Variants in PIK3C2G observed in about 807,000 individuals in gnomAD.
PIK3C2G encodes the protein phosphatidylinositol-4-phosphate 3-kinase catalytic subunit type 2 gamma.
In PIK3C2G, 168 loss-of-function variants were observed where a neutral mutation model predicts 181.1. That is an observed-to-expected ratio of 0.93 (90% CI 0.82 to 1.05). The LOEUF (loss-of-function observed/expected upper bound fraction) is 1.05. Among genes scored for constraint, PIK3C2G ranks in the 50% least tolerant of loss-of-function variants. The pLI, the probability that PIK3C2G is intolerant of heterozygous loss-of-function variation, is 0.00. For synonymous variants in PIK3C2G, 573 were observed against 592.2 expected (o/e 0.97, Z 0.47); for missense variants, 1,869 against 1,732.8 (o/e 1.08, Z -1.40).
intron 24 of PIK3C2G, among the ~76,000 whole-genome samples, chr12:18,509,478 T>G (rs1942072835): frequency 6.6e-6 from 1 of 152,204 alleles, no homozygotes; most frequent in African/African-American, 2.4e-5. Flanking sequence ...CATGCTTACA[T>G]CACCATTCCG....
Position 18,637,930 on chromosome 12 carries a change from C to T in PIK3C2G, c.4183-2499C>T, listed in dbSNP as rs144897692. Reference sequence around the variant, plus strand: ...TTAGAACCCTTTCTGATTCCCCAAGCTTCAACATTAAATGAAGAATCTCTG... The same window carrying T: ...TTAGAACCCTTTCTGATTCCCCAAGTTTCAACATTAAATGAAGAATCTCTG... On this transcript the variant is annotated intron_variant, in intron 31 of 32. Coordinates refer to ENST00000538779, the MANE Select transcript of PIK3C2G (RefSeq NM_001288772.2). Among the ~76,000 whole-genome samples the T allele has an allele frequency of 2.7e-3, 410 of 152,312 alleles. 4 individuals carry two copies. Among genetic ancestry groups the T allele is most frequent in the African/African-American group, 9.3e-3 (386 of 41,572 alleles).
intron 18 of PIK3C2G, among the ~76,000 whole-genome samples, chr12:18,427,227 C>T (rs990998474): frequency 4.6e-5 from 7 of 151,348 alleles, no homozygotes; most frequent in East Asian, 1.9e-4. Flanking sequence ...ATGTTTTAGG[C>T]GGGCGTGGTG....
intron 22 of PIK3C2G, among the ~76,000 whole-genome samples, chr12:18,501,754 AAG>A (rs1047525254): frequency 9.8e-5 from 15 of 152,332 alleles, no homozygotes; most frequent in Non-Finnish European, 1.3e-4. Context: ...TCAGCAATTC[AAG>A]GCTTGTGATC....
At chr12:18,260,223 G>A (rs1013240533), upstream of PIK3C2G, among the ~76,000 whole-genome samples, 3 of 151,938 alleles carry the variant, frequency 2.0e-5, no homozygotes, top group African/African-American at 7.3e-5. Context: ...GATCCAAAAT[G>A]TTTCAATTTT....
chr12:18,724,397 C>T, the PIK3C2G span, among the ~76,000 whole-genome samples: 1 of 151,982 alleles, frequency 6.6e-6, no homozygotes, highest in Admixed American at 6.6e-5. Flanking sequence ...TATAGTATCA[C>T]TAACAAATAA....
At chr12:18,296,844 T>C (rs571895347) in intron 5 of PIK3C2G, among the ~76,000 whole-genome samples, 1 of 152,210 alleles carries the variant, frequency 6.6e-6, no homozygotes, top group South Asian at 2.1e-4. Flanking sequence ...CTATCAATTT[T>C]GTCATACGTT....
the PIK3C2G span, among the ~76,000 whole-genome samples, chr12:18,659,489 A>G: frequency 1.3e-5 from 2 of 152,124 alleles, no homozygotes; most frequent in Non-Finnish European, 2.9e-5. Flanking sequence ...CCAAAATACC[A>G]TGATCAAAAT....
At chr12:18,294,132 T>A in intron 5 of PIK3C2G, 117 bp downstream of exon 5, 6 of 576,134 alleles carry the variant, frequency 1.0e-5, no homozygotes. Flanking sequence ...TATAATTAAA[T>A]CAATTTTACC....
At chr12:18,579,573 C>T (rs919645808) in intron 29 of PIK3C2G, among the ~76,000 whole-genome samples, 1 of 152,132 alleles carries the variant, frequency 6.6e-6, no homozygotes, top group Non-Finnish European at 1.5e-5. Flanking sequence ...CTCTCCCACA[C>T]ACATGCACAC....
chr12:18,473,273 G>A (rs1464972335), intron 18 of PIK3C2G, among the ~76,000 whole-genome samples: 1 of 152,140 alleles, frequency 6.6e-6, no homozygotes, highest in Non-Finnish European at 1.5e-5. Context: ...GATTATGTTT[G>A]TAGGTTTGTT....
intron 5 of PIK3C2G, among the ~76,000 whole-genome samples, chr12:18,303,159 C>CTTTTTTTTTT: frequency 1.1e-5 from 1 of 93,970 alleles, no homozygotes; most frequent in Admixed American, 1.1e-4. Context: ...TTTCTTCTTT[C>CTTTTTTTTTT]TCTTTCTTTC....
intron 1 of PIK3C2G, among the ~76,000 whole-genome samples, chr12:18,276,243 C>T (rs1948981793): frequency 1.3e-5 from 2 of 152,144 alleles, no homozygotes; most frequent in East Asian, 3.9e-4. Context: ...CTGTGGGTTT[C>T]CTTCACTCTC....
chr12:18,460,623 C>CATATATACATAT (rs1947867398), intron 18 of PIK3C2G, among the ~76,000 whole-genome samples: 2 of 136,136 alleles, frequency 1.5e-5, no homozygotes, highest in Non-Finnish European at 3.2e-5. Flanking sequence ...ACATCATATT[C>CATATATACATAT]ATATATATAT....
Position 18,490,000 on chromosome 12 carries a change from G to A in PIK3C2G, c.2685+1371G>A, listed in dbSNP as rs546598517. Among the ~76,000 whole-genome samples, 29 of 152,212 alleles carry A rather than the reference G, an allele frequency of 1.9e-4. No homozygotes were observed. In the South Asian group the frequency reaches 4.2e-3, roughly 22 times the overall value. ...ATAGGAAGAGGAAAAGGAAGAGGTG[G>A]AAGAGGCATTTATAATTTCTCACAA... On this transcript the variant is annotated intron_variant, in intron 19 of 32. Transcript: ENST00000538779.
At chr12:18,487,009 T>A (rs145060807) in intron 18 of PIK3C2G, among the ~76,000 whole-genome samples, 375 of 152,232 alleles carry the variant, frequency 2.5e-3, no homozygotes, top group Admixed American at 7.3e-3. Flanking sequence ...GGAAAATTTT[T>A]CACTGCTACT....
intron 3 of PIK3C2G, among the ~76,000 whole-genome samples, chr12:18,288,901 C>A (rs1346274202): frequency 1.3e-5 from 2 of 152,132 alleles, no homozygotes; most frequent in African/African-American, 4.8e-5. Flanking sequence ...ACTTATAGTG[C>A]ATTTTCCAAG....
At chr12:18,700,512 CAAA>C in the PIK3C2G span, among the ~76,000 whole-genome samples, 3 of 67,900 alleles carry the variant, frequency 4.4e-5, no homozygotes, top group East Asian at 5.4e-4. Context: ...AGCCAACGTA[CAAA>C]AAAAAAAAAA....
chr12:18,290,842 A>G lies in PIK3C2G; in HGVS notation c.762-13A>G, dbSNP rs754298285. On this transcript the variant is annotated splice_polypyrimidine_tract_variant and intron_variant, in intron 3 of 32. Transcript: ENST00000538779. The stretch of plus-strand genomic sequence containing the variant: ...TCTTGTCCTAAGTATTTTTCTTAAC[A>G]TATGTTTTTCAGAATCAGAGAAAGA... 3.2e-6 allele frequency: 5 copies of G among 1,563,116 alleles called. No individual in the cohort carries two copies. In the South Asian group the frequency reaches 3.4e-5, roughly 11 times the overall value.
chr12:18,396,710 T>A lies in PIK3C2G; in HGVS notation c.2127-2949T>A, dbSNP rs1943917836. On this transcript the variant is annotated intron_variant, in intron 15 of 32. Transcript: ENST00000538779. ...GTAACAAAATTTTATTTACTAAAAT[T>A]TAGTAAATTATTTAATAAAATTTTA... is the stretch of plus-strand genomic sequence containing the variant. Among the ~76,000 whole-genome samples the A allele has an allele frequency of 3.3e-5, 5 of 151,704 alleles. No individual in the cohort carries two copies. In the South Asian group the frequency reaches 1.0e-3, roughly 31 times the overall value.
Sources: gnomAD v4.1 joint callset for allele counts (sites outside exome capture counted in the v4.1 genomes callset) on GRCh38, gnomAD v4.1.1 for gene constraint, MANE v1.5 for transcripts, NCBI Gene and HGNC (gene_info 2026-07-23, HGNC 2026-07-21) for gene names.